The following EGFR variants were observed in gnomAD, a reference collection of about 807,000 sequenced individuals.
EGFR encodes epidermal growth factor receptor, also known as avian erythroblastic leukemia viral (v-erb-b) oncogene homolog.
A neutral mutation model predicts 143.0 loss-of-function variants in EGFR; 58 were observed. The observed-to-expected ratio is 0.41, with a 90% CI of 0.33 to 0.50. The LOEUF is 0.50. EGFR is among the 20% of genes least tolerant of loss of function. The pLI is 0.39. For missense variants in EGFR, 1,307 were observed against 1,579.0 expected (o/e 0.83, Z 2.92); for synonymous variants, 613 against 594.4 (o/e 1.03, Z -0.45).
intron 25 of EGFR, 125 bp from the exon 26 acceptor site, chr7:55,201,609 AC>A (rs1787852528): frequency 3.8e-6 from 5 of 1,320,240 alleles, no homozygotes; most frequent in South Asian, 2.4e-5. Flanking sequence ...TCTAAAACTA[AC>A]GATTAAGACA....
At chr7:55,065,605 AT>A (rs1789447249) in intron 1 of EGFR, among the ~76,000 whole-genome samples, 1 of 152,220 alleles carries the variant, frequency 6.6e-6, no homozygotes, top group African/African-American at 2.4e-5. Flanking sequence ...ATGGCTTGAG[AT>A]CATGACACAG....
intron 1 of EGFR, among the ~76,000 whole-genome samples, chr7:55,139,873 G>A (rs545152874): frequency 6.6e-6 from 1 of 152,148 alleles, no homozygotes; most frequent in South Asian, 2.1e-4. Context: ...TTTACATCAA[G>A]AATATGTAAT....
At chr7:55,085,170 G>A (rs1317608348) in intron 1 of EGFR, among the ~76,000 whole-genome samples, 1 of 152,176 alleles carries the variant, frequency 6.6e-6, no homozygotes, top group African/African-American at 2.4e-5. Flanking sequence ...CAATGTCACA[G>A]GCATGTTGTG....
At chr7:55,137,593 C>T (rs1435096587) in intron 1 of EGFR, among the ~76,000 whole-genome samples, 3 of 152,254 alleles carry the variant, frequency 2.0e-5, no homozygotes, top group South Asian at 2.1e-4. Context: ...ACCACCGGCC[C>T]GCCCTAGATG....
chr7:55,202,813 T>C (rs568396099), intron 27 of EGFR, 188 bp downstream of exon 27: 2 of 709,002 alleles, frequency 2.8e-6, no homozygotes, highest in Non-Finnish European at 5.1e-6. Context: ...CACAAGCTCT[T>C]TGTTGTGTCT....
intron 1 of EGFR, among the ~76,000 whole-genome samples, chr7:55,030,167 C>G (rs1562652210): frequency 6.6e-6 from 1 of 152,208 alleles, no homozygotes; most frequent in Non-Finnish European, 1.5e-5. Context: ...TGTCTCTCAA[C>G]ATGCAGGTCA....
At chr7:55,078,717 G>A (rs922688980) in intron 1 of EGFR, among the ~76,000 whole-genome samples, 2 of 152,220 alleles carry the variant, frequency 1.3e-5, no homozygotes, top group African/African-American at 4.8e-5. Context: ...GTGACTCCAC[G>A]GTCTGTGGCT....
intron 1 of EGFR, among the ~76,000 whole-genome samples, chr7:55,137,907 G>A (rs1317619840): frequency 1.3e-5 from 2 of 152,188 alleles, no homozygotes; most frequent in African/African-American, 4.8e-5. Context: ...TCCAGCATGT[G>A]CATTTGTTAA....
At chr7:55,099,710 GT>G (rs1190505411) in intron 1 of EGFR, among the ~76,000 whole-genome samples, 1 of 152,144 alleles carries the variant, frequency 6.6e-6, no homozygotes, top group Non-Finnish European at 1.5e-5. Flanking sequence ...TCCTGGGACG[GT>G]GTGCCGACAG....
At chr7:55,186,947 G>GC (rs1787165031) in intron 20 of EGFR, among the ~76,000 whole-genome samples, 1 of 152,198 alleles carries the variant, frequency 6.6e-6, no homozygotes, top group Non-Finnish European at 1.5e-5. Flanking sequence ...AAGCCAGATG[G>GC]CCCCTCACCC....
intron 1 of EGFR, among the ~76,000 whole-genome samples, chr7:55,112,150 C>G (rs541478207): frequency 6.6e-6 from 1 of 152,212 alleles, no homozygotes; most frequent in African/African-American, 2.4e-5. Flanking sequence ...CACTGCAAAC[C>G]GATACCCAGC....
chr7:55,110,787 C>A (rs1792433473), intron 1 of EGFR, among the ~76,000 whole-genome samples: 1 of 152,202 alleles, frequency 6.6e-6, no homozygotes, highest in Non-Finnish European at 1.5e-5. Context: ...TGGCCATTAG[C>A]CACCAGCCTC....
At chr7:55,197,321 G>C (rs1426511571) in intron 22 of EGFR, among the ~76,000 whole-genome samples, 1 of 152,062 alleles carries the variant, frequency 6.6e-6, no homozygotes, top group Admixed American at 6.5e-5. Context: ...GACTGTTGTT[G>C]GCATATTGGA....
chr7:55,037,307 T>C (rs898567216), intron 1 of EGFR, among the ~76,000 whole-genome samples: 2 of 152,200 alleles, frequency 1.3e-5, no homozygotes, highest in African/African-American at 4.8e-5. Context: ...ATAGAAAACG[T>C]AGCCTCTGAC....
intron 8 of EGFR, 97 bp downstream of exon 8, chr7:55,156,043 T>C: frequency 1.2e-6 from 1 of 865,064 alleles, no homozygotes; most frequent in Non-Finnish European, 1.9e-6. Flanking sequence ...CTCTTCTCAT[T>C]AAAAAACAAC....
At chr7:55,082,121 T>C (rs1027645808) in intron 1 of EGFR, among the ~76,000 whole-genome samples, 5 of 152,206 alleles carry the variant, frequency 3.3e-5, no homozygotes, top group Non-Finnish European at 7.3e-5. Flanking sequence ...CTGTACAAAG[T>C]AGGTAACTGG....
chr7:55,071,958 G>C (rs994267679), intron 1 of EGFR, among the ~76,000 whole-genome samples: 3 of 152,198 alleles, frequency 2.0e-5, no homozygotes, highest in Non-Finnish European at 2.9e-5. Context: ...CAATATTGCA[G>C]CACATTTTTC....
intron 1 of EGFR, chr7:55,044,002 A>C (rs1788050933): frequency 6.6e-6 from 1 of 152,350 alleles, no homozygotes; most frequent in African/African-American, 2.4e-5. Flanking sequence ...AAGACGCCTT[A>C]GTTATATGCA....
At chr7:55,168,662 T>A in intron 15 of EGFR, 1 of 1,376,916 alleles carries the variant, frequency 7.3e-7, no homozygotes, top group Non-Finnish European at 9.9e-7. Context: ...AATATTTTCT[T>A]TAGTATGTGT....
Sources: gnomAD v4.1 joint callset for allele counts (sites outside exome capture counted in the v4.1 genomes callset) on GRCh38, gnomAD v4.1.1 for gene constraint, MANE v1.5 for transcripts, NCBI Gene and HGNC (gene_info 2026-07-23, HGNC 2026-07-21) for gene names.